Variants in PLD5 observed in about 807,000 individuals in gnomAD.
PLD5 encodes the protein phospholipase D family member 5.
PLD5 carries 36 observed loss-of-function variants against 61.1 expected under a neutral mutation model. The observed-to-expected ratio is 0.59, with a 90% CI of 0.45 to 0.78. The LOEUF (loss-of-function observed/expected upper bound fraction) is 0.78, where lower values mean the gene tolerates loss of function less well. Among genes scored for constraint, PLD5 ranks in the 30% least tolerant of loss-of-function variants. The probability of loss-of-function intolerance (pLI) is 0.00; values close to 1 mark genes in which losing one functional copy is unlikely to be tolerated. For synonymous variants in PLD5, 243 were observed against 242.8 expected, an observed-to-expected ratio of 1.00 and a Z score of -0.01; for missense variants, 515 against 644.4, an observed-to-expected ratio of 0.80 and a Z score of 2.17.
chr1:242,415,427 A>C (rs746549784), intron 1 of PLD5, among the ~76,000 whole-genome samples: 14 of 152,064 alleles, frequency 9.2e-5, no homozygotes, highest in Non-Finnish European at 1.9e-4. Context: ...TTCACCATGC[A>C]TTCATTGGCC....
intron 2 of PLD5, among the ~76,000 whole-genome samples, chr1:242,303,068 C>T (rs1574697916): frequency 6.6e-6 from 1 of 152,230 alleles, no homozygotes; most frequent in East Asian, 1.9e-4. Context: ...CCTGACACAC[C>T]AGAATCTGTG....
intron 4 of PLD5, among the ~76,000 whole-genome samples, chr1:242,253,462 T>C (rs1460924336): frequency 3.3e-5 from 5 of 151,718 alleles, no homozygotes; most frequent in Non-Finnish European, 7.4e-5. Flanking sequence ...TACAGGTGCC[T>C]GCCACCACGC....
intron 5 of PLD5, among the ~76,000 whole-genome samples, chr1:242,133,921 A>G (rs1663500815): frequency 1.3e-5 from 2 of 152,362 alleles, no homozygotes; most frequent in South Asian, 4.1e-4. Flanking sequence ...ATTTCATCAT[A>G]CTTTTTTAAG....
intron 1 of PLD5, among the ~76,000 whole-genome samples, chr1:242,379,043 A>C (rs1274639771): frequency 6.6e-6 from 1 of 151,974 alleles, no homozygotes; most frequent in African/African-American, 2.4e-5. Context: ...TTTCCACCAC[A>C]TTCCAATAGG....
intron 1 of PLD5, among the ~76,000 whole-genome samples, chr1:242,478,749 G>C (rs1167455162): frequency 1.3e-5 from 2 of 151,994 alleles, no homozygotes; most frequent in East Asian, 3.9e-4. Flanking sequence ...TCTCCTCCTC[G>C]AGAAACCCAC....
intron 1 of PLD5, among the ~76,000 whole-genome samples, chr1:242,481,394 G>A (rs953123213): frequency 2.0e-5 from 3 of 152,172 alleles, no homozygotes; most frequent in African/African-American, 7.2e-5. Flanking sequence ...CTTAGCAAAC[G>A]GCACACCAGG....
At chr1:242,449,559 G>A (rs969731769) in intron 1 of PLD5, 1 of 1,426,360 alleles carries the variant, frequency 7.0e-7, no homozygotes, top group African/African-American at 1.4e-5. Context: ...AAGAGAGAAA[G>A]GGCTGCAGCT....
intron 4 of PLD5, among the ~76,000 whole-genome samples, chr1:242,246,055 C>T: frequency 6.6e-6 from 1 of 152,082 alleles, no homozygotes; most frequent in Non-Finnish European, 1.5e-5. Flanking sequence ...TATTATTAGT[C>T]CATTGTAGAA....
chr1:242,368,592 T>A (rs1661466800), intron 1 of PLD5, among the ~76,000 whole-genome samples: 1 of 152,182 alleles, frequency 6.6e-6, no homozygotes, highest in Non-Finnish European at 1.5e-5. Context: ...GTGTGGCATC[T>A]GCATAGGGCA....
At chr1:242,173,724 A>T (rs1378831627) in intron 5 of PLD5, among the ~76,000 whole-genome samples, 1 of 152,210 alleles carries the variant, frequency 6.6e-6, no homozygotes, top group East Asian at 1.9e-4. Context: ...AATAGAACAG[A>T]GCCCTCAGAA....
chr1:242,107,512 C>G (rs1040927573), intron 8 of PLD5, among the ~76,000 whole-genome samples, 159 bp downstream of exon 8: 1 of 151,604 alleles, frequency 6.6e-6, no homozygotes, highest in Non-Finnish European at 1.5e-5. Context: ...CTCTTTTTTT[C>G]GTATGTGATT....
At chr1:242,228,965 A>T (rs1431562407) in intron 4 of PLD5, among the ~76,000 whole-genome samples, 1 of 152,212 alleles carries the variant, frequency 6.6e-6, no homozygotes, top group Non-Finnish European at 1.5e-5. Flanking sequence ...TTACGGTATT[A>T]ACCAGATAAT....
intron 2 of PLD5, among the ~76,000 whole-genome samples, chr1:242,335,814 A>G (rs1248152694): frequency 1.3e-5 from 2 of 152,236 alleles, no homozygotes; most frequent in Non-Finnish European, 2.9e-5. Context: ...ATAACTGCCT[A>G]TGAAAATTTC....
chr1:242,456,476 C>A (rs1272324449), intron 1 of PLD5, among the ~76,000 whole-genome samples: 1 of 152,104 alleles, frequency 6.6e-6, no homozygotes, highest in Non-Finnish European at 1.5e-5. Context: ...CCCTAAAGAA[C>A]TCTAAAAAGA....
At position 242,083,318 on chromosome 1, in the gene PLD5, T is replaced by C. The variant is rs1659333931; in HGVS notation, c.*6536A>G. ...ACAAGAATACCACTGCTAGGTACAC[T>C]TTCATTCCTTAGGCCGCCCTCTGGC... is the stretch of plus-strand genomic sequence containing the variant. On this transcript the variant is annotated 3_prime_UTR_variant, in exon 10 of 10. Coordinates refer to ENST00000536534, the MANE Select transcript of PLD5 (RefSeq NM_001372062.1). The C allele has an allele frequency of 6.6e-6, 1 of 152,238 alleles. No homozygotes were observed. The highest frequency in any genetic ancestry group is 2.4e-5 in the African/African-American group (1 of 41,462). The allele number at this position is 152,238 out of a possible 1,614,324, so 9.4% of individuals were successfully genotyped here.
At chr1:242,219,946 A>C (rs1190037332) in intron 5 of PLD5, 42 bp downstream of exon 5, 2 of 1,594,238 alleles carry the variant, frequency 1.3e-6, no homozygotes, top group Non-Finnish European at 1.7e-6. Flanking sequence ...GGTCGCTTTG[A>C]GGGTGACAGA....
Position 242,260,854 on chromosome 1 carries a change from A to G in PLD5, c.607+4483T>C, listed in dbSNP as rs575851115. Among the ~76,000 whole-genome samples the G allele has an allele frequency of 6.6e-5, 10 of 152,356 alleles. 1 individual carries two copies. In the South Asian group the frequency reaches 1.9e-3, roughly 28 times the overall value. ...CAGAAAACTTTCTGGACAGAAAACT[A>G]ATTTAGAAATTTATGTCATATTAAA... On this transcript the variant is annotated intron_variant, in intron 4 of 9. Transcript: ENST00000536534.
chr1:242,089,967 T>C lies in PLD5; in HGVS notation c.1498A>G (p.Lys500Glu), dbSNP rs1269871255. The C allele has an allele frequency of 6.2e-7, 1 of 1,614,220 alleles. No individual in the cohort carries two copies. The highest frequency in any genetic ancestry group is 8.5e-7 in the Non-Finnish European group (1 of 1,180,044). The change falls in exon 10 of 10, where the codon AAA becomes GAA. Residue 500 changes from lysine (K) to glutamate (E), a missense_variant. This residue lies in a region of PLD5 where 450 missense variants were observed against 598.1 expected (regional missense o/e 0.75). Transcript: ENST00000536534. ...FERDWYSPYA[K>E]TLQPTKQPNC... is the part of the protein sequence containing the mutation. The stretch of plus-strand genomic sequence containing the variant: ...GGCTGTTTGGTTGGCTGTAAGGTTT[T>C]GGCATACGGTGAATACCAGTCCCTT...
At chr1:242,132,047 T>C (rs1663301545) in intron 5 of PLD5, among the ~76,000 whole-genome samples, 1 of 151,640 alleles carries the variant, frequency 6.6e-6, no homozygotes, top group South Asian at 2.1e-4. Context: ...GCCAGGATGG[T>C]CTTGAACTCA....
Sources: gnomAD v4.1 joint callset for allele counts (sites outside exome capture counted in the v4.1 genomes callset) on GRCh38, gnomAD v4.1.1 for gene constraint, gnomAD v4.1.1 regional missense constraint, MANE v1.5 for transcripts, NCBI Gene and HGNC (gene_info 2026-07-23, HGNC 2026-07-21) for gene names.